Variants in DOCK4 observed in about 807,000 individuals in gnomAD.
DOCK4 encodes the protein dedicator of cytokinesis protein 4.
In DOCK4, 97 loss-of-function variants were observed where a neutral mutation model predicts 268.1. The observed-to-expected ratio is 0.36, with a 90% CI of 0.31 to 0.43. The LOEUF is 0.43. Ranked by LOEUF, DOCK4 falls within the 20% of genes least tolerant of loss-of-function variation. DOCK4 has a pLI of 1.00. For missense variants in DOCK4, 2,145 were observed against 2,455.7 expected (o/e 0.87, Z 2.67); for synonymous variants, 954 against 887.2 (o/e 1.08, Z -1.34).
intron 1 of DOCK4, among the ~76,000 whole-genome samples, chr7:112,083,599 A>G (rs777972086): frequency 2.6e-5 from 4 of 152,112 alleles, no homozygotes; most frequent in Non-Finnish European, 4.4e-5. Flanking sequence ...AACATCCAAA[A>G]TAGCTATGAA....
At chr7:111,911,110 G>A (rs550605028) in intron 13 of DOCK4, among the ~76,000 whole-genome samples, 22 of 152,314 alleles carry the variant, frequency 1.4e-4, no homozygotes, top group African/African-American at 4.6e-4. Context: ...ACTGGGTCCT[G>A]TTGGTATAAT....
At chr7:111,827,393 T>A (rs192119701) in intron 26 of DOCK4, among the ~76,000 whole-genome samples, 1 of 152,322 alleles carries the variant, frequency 6.6e-6, no homozygotes, top group East Asian at 1.9e-4. Context: ...CAACAAAGAT[T>A]TAATGTTCCA....
Position 111,858,397 on chromosome 7 carries a change from G to C in DOCK4, c.2473+4975C>G, listed in dbSNP as rs76624607. Among the ~76,000 whole-genome samples, 556 of 152,174 alleles carry C rather than the reference G, an allele frequency of 3.7e-3. 5 individuals carry two copies. Among genetic ancestry groups the C allele is most frequent in the African/African-American group, 0.013 (536 of 41,508 alleles). On this transcript the variant is annotated intron_variant, in intron 23 of 52. Coordinates refer to ENST00000428084, the MANE Select transcript of DOCK4 (RefSeq NM_001363540.2). The stretch of plus-strand genomic sequence containing the variant: ...AGAGAGTTGGTTAAACATTTTTCTG[G>C]GTGTGTCTGTGAGGAAGTTTCTGCA...
intron 25 of DOCK4, among the ~76,000 whole-genome samples, chr7:111,838,074 G>A (rs1012967921): frequency 9.7e-5 from 10 of 103,088 alleles, no homozygotes; most frequent in Admixed American, 4.5e-4. Flanking sequence ...TGACATTAGC[G>A]AAACCCTACC....
At chr7:111,767,353 A>G (rs2133653658) in intron 37 of DOCK4, among the ~76,000 whole-genome samples, 1 of 150,510 alleles carries the variant, frequency 6.6e-6, no homozygotes, top group East Asian at 2.0e-4. Context: ...CAGCCTCCTG[A>G]GTAGCTGGGA....
intron 22 of DOCK4, among the ~76,000 whole-genome samples, chr7:111,864,698 T>C (rs896730129): frequency 7.2e-5 from 11 of 152,138 alleles, no homozygotes; most frequent in African/African-American, 2.7e-4. Flanking sequence ...CTCTTAAAAA[T>C]TATAGATTTA....
intron 39 of DOCK4, among the ~76,000 whole-genome samples, chr7:111,764,539 G>T (rs940341867): frequency 6.6e-6 from 1 of 152,028 alleles, no homozygotes; most frequent in African/African-American, 2.4e-5. Context: ...GACACTACTG[G>T]GCAGAATGTG....
chr7:111,847,254 A>G, intron 23 of DOCK4, 128 bp from the exon 24 acceptor site: 1 of 1,161,410 alleles, frequency 8.6e-7, no homozygotes, highest in Non-Finnish European at 1.2e-6. Context: ...CAAAGGTATT[A>G]GTTCTACAAG....
At position 112,206,247 on chromosome 7, in the gene DOCK4, T is replaced by G. The variant is rs1587066224; in HGVS notation, c.-109A>C. The G allele has an allele frequency of 1.6e-6, 2 of 1,286,464 alleles. No homozygotes were observed. The highest frequency in any genetic ancestry group is 2.2e-6 in the Non-Finnish European group (2 of 918,614). 79.7% of individuals were successfully genotyped at this position (1,286,464 alleles called of 1,614,324 possible). Reference sequence around the variant, plus strand: ...CGCTGCAGTGCCGGAGCCCAGCGGCTTCGCGCGGGCTGCGGGCGCTGGGCA... The same window carrying G: ...CGCTGCAGTGCCGGAGCCCAGCGGCGTCGCGCGGGCTGCGGGCGCTGGGCA... On this transcript the variant is annotated 5_prime_UTR_variant, in exon 1 of 53. Coordinates refer to ENST00000428084, the MANE Select transcript of DOCK4 (RefSeq NM_001363540.2).
chr7:111,857,693 G>C (rs1218496111), intron 23 of DOCK4, among the ~76,000 whole-genome samples: 2 of 152,194 alleles, frequency 1.3e-5, no homozygotes, highest in African/African-American at 2.4e-5. Flanking sequence ...AGCTCTAGCA[G>C]ATCTGACCTC....
chr7:111,881,859 T>C (rs1807419463), intron 16 of DOCK4, among the ~76,000 whole-genome samples: 1 of 152,176 alleles, frequency 6.6e-6, no homozygotes, highest in African/African-American at 2.4e-5. Context: ...CTCACTTTTT[T>C]TGTGGGATCT....
intron 1 of DOCK4, among the ~76,000 whole-genome samples, chr7:112,196,017 C>T (rs1037536598): frequency 6.6e-6 from 1 of 152,160 alleles, no homozygotes; most frequent in East Asian, 1.9e-4. Context: ...CCTCACTCTC[C>T]CGTTTTCTTG....
chr7:112,026,282 G>A (rs113726102), intron 1 of DOCK4, among the ~76,000 whole-genome samples: 9 of 152,342 alleles, frequency 5.9e-5, no homozygotes, highest in African/African-American at 1.7e-4. Flanking sequence ...TGGATTCATA[G>A]GAGCGTGAAC....
In DOCK4 at chr7:112,154,224, G is replaced by A. The variant is rs147369955; in HGVS notation, c.37+51878C>T. On this transcript the variant is annotated intron_variant, in intron 1 of 52. Transcript: ENST00000428084. ...TGGGCTCAAGCAATCCTCCCACCTC[G>A]GCCTCCCAAAGTGCTGGGACTATAG... is the stretch of plus-strand genomic sequence containing the variant. Among the ~76,000 whole-genome samples the A allele has an allele frequency of 5.8e-3, 889 of 152,042 alleles. 13 individuals carry two copies. Among genetic ancestry groups the A allele is most frequent in the African/African-American group, 0.019 (800 of 41,462 alleles).
intron 32 of DOCK4, among the ~76,000 whole-genome samples, chr7:111,785,956 G>A (rs992658718): frequency 1.1e-4 from 17 of 152,112 alleles, no homozygotes; most frequent in Middle Eastern, 3.4e-3. Context: ...TGTGTGTGTC[G>A]GGGATTTCAC....
At chr7:111,769,331 G>A (rs1332714768) in intron 37 of DOCK4, among the ~76,000 whole-genome samples, 198 bp downstream of exon 37, 1 of 152,168 alleles carries the variant, frequency 6.6e-6, no homozygotes, top group Admixed American at 6.5e-5. Flanking sequence ...GGCTCATTCA[G>A]AATCAAAATG....
chr7:111,905,599 A>G (rs1233922982), intron 13 of DOCK4, among the ~76,000 whole-genome samples: 2 of 152,178 alleles, frequency 1.3e-5, no homozygotes, highest in Non-Finnish European at 2.9e-5. Flanking sequence ...TCTTGGATAA[A>G]GGATACAGCG....
intron 1 of DOCK4, among the ~76,000 whole-genome samples, chr7:112,195,917 C>T (rs193089887): frequency 1.2e-3 from 185 of 152,262 alleles, no homozygotes; most frequent in Admixed American, 5.1e-3. Flanking sequence ...CACCCTCCCA[C>T]GAGGGGGCAC....
At chr7:112,067,789 C>T (rs973076019) in intron 1 of DOCK4, among the ~76,000 whole-genome samples, 3 of 152,124 alleles carry the variant, frequency 2.0e-5, no homozygotes, top group African/African-American at 7.2e-5. Flanking sequence ...CTTGAAATCC[C>T]CAGGAAACGT....
Sources: allele counts gnomAD v4.1 joint callset (sites outside exome capture counted in the v4.1 genomes callset), GRCh38; gene constraint gnomAD v4.1.1; transcripts MANE v1.5; gene names NCBI Gene and HGNC (gene_info 2026-07-23, HGNC 2026-07-21).